The following CTNNA2 variants were observed in gnomAD, a reference collection of about 807,000 sequenced individuals.
CTNNA2 encodes catenin alpha 2.
CTNNA2 carries 42 observed loss-of-function variants against 101.0 expected under a neutral mutation model. The ratio of observed to expected loss-of-function variants is 0.42; its 90% CI spans 0.32 to 0.54. The LOEUF (loss-of-function observed/expected upper bound fraction) is 0.54, where lower values mean the gene tolerates loss of function less well. Ranked by LOEUF, CTNNA2 falls within the 20% of genes least tolerant of loss-of-function variation. CTNNA2 has a pLI of 0.14. For synonymous variants in CTNNA2, 450 were observed against 456.4 expected, an observed-to-expected ratio of 0.99 and a Z score of 0.18; for missense variants, 871 against 1,223.1, an observed-to-expected ratio of 0.71 and a Z score of 4.29.
At chr2:79,753,417 A>G (rs1672178959) in intron 3 of CTNNA2, among the ~76,000 whole-genome samples, 1 of 152,180 alleles carries the variant, frequency 6.6e-6, no homozygotes, top group Non-Finnish European at 1.5e-5. Flanking sequence ...GTAACACAGC[A>G]TTGGTTGTAT....
chr2:79,334,512 G>C (rs1676949690), intron 3 of CTNNA2, among the ~76,000 whole-genome samples: 1 of 152,080 alleles, frequency 6.6e-6, no homozygotes, highest in South Asian at 2.1e-4. Context: ...GGGCATGTTG[G>C]GGAAATAAGG....
intron 18 of CTNNA2, among the ~76,000 whole-genome samples, chr2:80,640,291 C>T (rs997613518): frequency 7.9e-5 from 12 of 152,080 alleles, no homozygotes; most frequent in African/African-American, 2.7e-4. Flanking sequence ...GTTTCCTTTC[C>T]CACACTACTT....
intron 4 of CTNNA2, among the ~76,000 whole-genome samples, chr2:79,473,472 C>CA (rs1483214273): frequency 6.6e-6 from 1 of 151,526 alleles, no homozygotes; most frequent in South Asian, 2.1e-4. Flanking sequence ...TATTCACTGC[C>CA]AAAAAACAAA....
At chr2:79,452,920 C>T (rs1044173208) in intron 4 of CTNNA2, among the ~76,000 whole-genome samples, 1 of 152,066 alleles carries the variant, frequency 6.6e-6, no homozygotes, top group African/African-American at 2.4e-5. Context: ...CAAAGGATAA[C>T]CACTGTCACC....
intron 11 of CTNNA2, among the ~76,000 whole-genome samples, chr2:80,548,569 C>A (rs771123945): frequency 3.3e-5 from 5 of 152,150 alleles, no homozygotes; most frequent in Non-Finnish European, 7.3e-5. Flanking sequence ...CTGCTGATAA[C>A]ACTGTGCAGT....
At chr2:79,368,948 G>T (rs1210903513) in intron 3 of CTNNA2, among the ~76,000 whole-genome samples, 5 of 152,160 alleles carry the variant, frequency 3.3e-5, no homozygotes. Flanking sequence ...CCTGGATGAT[G>T]CTGCCGCTTG....
chr2:80,327,624 C>G (rs11126756), intron 7 of CTNNA2, among the ~76,000 whole-genome samples: 2 of 152,072 alleles, frequency 1.3e-5, no homozygotes, highest in Non-Finnish European at 2.9e-5. Context: ...CAAATACAAT[C>G]CTTGGAAACA....
At chr2:79,334,330 A>G (rs529820714) in intron 3 of CTNNA2, among the ~76,000 whole-genome samples, 1 of 152,308 alleles carries the variant, frequency 6.6e-6, no homozygotes, top group African/African-American at 2.4e-5. Context: ...CCTAAAGAGT[A>G]TAACTCCAAA....
intron 7 of CTNNA2, among the ~76,000 whole-genome samples, chr2:80,337,318 G>A (rs1671836575): frequency 6.6e-6 from 1 of 151,800 alleles, no homozygotes; most frequent in African/African-American, 2.4e-5. Context: ...TCGTGCCACT[G>A]CACTCTAGCC....
chr2:79,982,357 CCTATATAACAT>C (rs1558697990), intron 7 of CTNNA2, among the ~76,000 whole-genome samples: 25 of 119,252 alleles, frequency 2.1e-4, no homozygotes, highest in African/African-American at 9.1e-4. Flanking sequence ...ACCTATATAA[CCTATATAACAT>C]ATATATAACA....
rs1463988147 is a variant in CTNNA2, at chr2:80,296,892, C to T, written c.1057-96319C>T. Among the ~76,000 whole-genome samples the T allele has an allele frequency of 9.2e-5, 14 of 152,140 alleles. 1 individual carries two copies. The highest frequency in any genetic ancestry group is 2.9e-4 in the African/African-American group (12 of 41,420). ...AAATGTCTACTGGGTGGCAAATTTG[C>T]CCCTGGTTGAGAACCAGTACCATAG... On this transcript the variant is annotated intron_variant, in intron 7 of 18. Coordinates refer to ENST00000402739, the MANE Select transcript of CTNNA2 (RefSeq NM_001282597.3).
At chr2:80,450,545 C>G (rs1030362515) in intron 9 of CTNNA2, among the ~76,000 whole-genome samples, 1 of 152,008 alleles carries the variant, frequency 6.6e-6, no homozygotes, top group Non-Finnish European at 1.5e-5. Context: ...TAGTAATTAC[C>G]CTTGTCTGGA....
chr2:80,258,613 G>A (rs991249761), intron 7 of CTNNA2, among the ~76,000 whole-genome samples: 1 of 152,112 alleles, frequency 6.6e-6, no homozygotes, highest in East Asian at 1.9e-4. Context: ...GTTTCCAGAG[G>A]CAACAGGGAA....
intron 3 of CTNNA2, among the ~76,000 whole-genome samples, chr2:79,373,461 C>T (rs529439241): frequency 6.6e-6 from 1 of 152,234 alleles, no homozygotes; most frequent in South Asian, 2.1e-4. Context: ...TTTTCTGTAA[C>T]AGGAGAATGC....
At chr2:80,426,633 A>G (rs1053152815) in intron 9 of CTNNA2, among the ~76,000 whole-genome samples, 2 of 152,082 alleles carry the variant, frequency 1.3e-5, no homozygotes, top group African/African-American at 4.8e-5. Flanking sequence ...CCATTCAGAG[A>G]CTTCCTCTTC....
At chr2:79,235,264 C>G (rs905104992) in intron 2 of CTNNA2, among the ~76,000 whole-genome samples, 2 of 152,090 alleles carry the variant, frequency 1.3e-5, no homozygotes, top group Non-Finnish European at 2.9e-5. Context: ...TGGACCTTTG[C>G]CTTAGTTTTC....
intron 7 of CTNNA2, among the ~76,000 whole-genome samples, chr2:80,129,249 T>G (rs1281387796): frequency 6.6e-6 from 1 of 152,184 alleles, no homozygotes; most frequent in African/African-American, 2.4e-5. Context: ...TCAGTCAGGC[T>G]GATGGGAAGG....
intron 4 of CTNNA2, among the ~76,000 whole-genome samples, chr2:79,495,925 A>C (rs1026001984): frequency 6.6e-6 from 1 of 152,082 alleles, no homozygotes; most frequent in African/African-American, 2.4e-5. Context: ...CTATATAGAG[A>C]TAGAAACTAG....
chr2:79,204,160 A>T (rs1368352638), intron 2 of CTNNA2, among the ~76,000 whole-genome samples: 1 of 152,248 alleles, frequency 6.6e-6, no homozygotes, highest in Non-Finnish European at 1.5e-5. Flanking sequence ...GTACTTTCCA[A>T]ATGAGGACAC....
Sources: allele counts gnomAD v4.1 joint callset (sites outside exome capture counted in the v4.1 genomes callset), GRCh38; gene constraint gnomAD v4.1.1; transcripts MANE v1.5; gene names NCBI Gene and HGNC (gene_info 2026-07-23, HGNC 2026-07-21).